The following VPS41 variants were observed in gnomAD, a reference collection of about 807,000 sequenced individuals.
The protein encoded by VPS41 is vacuolar protein sorting-associated protein 41 homolog.
Under a neutral mutation model 130.9 loss-of-function variants are expected in VPS41, and 85 were observed. That is an observed-to-expected ratio of 0.65 (90% confidence interval 0.55 to 0.78). The LOEUF (loss-of-function observed/expected upper bound fraction) is 0.78, where lower values mean the gene tolerates loss of function less well. Ranked by LOEUF, VPS41 falls within the 30% of genes least tolerant of loss-of-function variation. VPS41 has a pLI of 0.00. For missense variants in VPS41, 874 were observed against 1,018.7 expected, an observed-to-expected ratio of 0.86 and a Z score of 1.93; for synonymous variants, 335 against 332.9, an observed-to-expected ratio of 1.01 and a Z score of -0.07.
chr7:38,896,685 A>T (rs6966738), intron 2 of VPS41, among the ~76,000 whole-genome samples: 1 of 152,118 alleles, frequency 6.6e-6, no homozygotes, highest in Non-Finnish European at 1.5e-5. Flanking sequence ...AGAAATATGC[A>T]TAAGTCCAAC....
intron 7 of VPS41, 126 bp from the exon 8 acceptor site, chr7:38,796,990 T>A: frequency 9.6e-7 from 1 of 1,039,398 alleles, no homozygotes; most frequent in Non-Finnish European, 1.4e-6. Context: ...GTCTTTAATG[T>A]AGACTTACAG....
intron 3 of VPS41, 23 bp downstream of exon 3, chr7:38,869,123 A>T (rs1229230177): frequency 6.7e-7 from 1 of 1,493,806 alleles, no homozygotes; most frequent in Non-Finnish European, 9.1e-7. Context: ...TTACAGAAGA[A>T]TCCTCTGAAA....
Position 38,789,770 on chromosome 7 carries a change from C to A in VPS41, c.784+31G>T, listed in dbSNP as rs771452866. ...GACGAAAATTTTGAATGAAGTTTTA[C>A]ATCCACAGAAGGCAAGTGTTGGAGC... On this transcript the variant is annotated intron_variant, in intron 10 of 28. Coordinates refer to ENST00000310301, the MANE Select transcript of VPS41 (RefSeq NM_014396.4). 6 of 1,610,996 alleles carry A rather than the reference C, an allele frequency of 3.7e-6. No individual in the cohort carries two copies. The African/African-American group carries it at 8.0e-5, about 22-fold the overall frequency.
chr7:38,889,509 T>C (rs1443478712), intron 2 of VPS41, among the ~76,000 whole-genome samples: 6 of 149,726 alleles, frequency 4.0e-5, no homozygotes, highest in South Asian at 2.1e-4. Flanking sequence ...AAGAAAAGAA[T>C]TGCCAACCAC....
chr7:38,901,810 T>C (rs1016094494), intron 1 of VPS41, among the ~76,000 whole-genome samples: 1 of 152,096 alleles, frequency 6.6e-6, no homozygotes, highest in African/African-American at 2.4e-5. Flanking sequence ...GGCAAGAGGA[T>C]TGCTTAAGGC....
In VPS41 at chr7:38,752,192, T is replaced by C. The variant is rs531698597; in HGVS notation, c.1910A>G (p.His637Arg). 15 of 1,613,876 alleles carry C rather than the reference T, an allele frequency of 9.3e-6. No homozygotes were observed. In the South Asian group the frequency reaches 1.5e-4, roughly 17 times the overall value. ...GTGCCTTACCTTTTCAAGTGGGCAA[T>C]GGGTACTGTCTCGGAGAAAGGGAAG... The part of the protein sequence containing the change: ...NLLPFLRDST[H>R]CPLEKALEIC... Residue 637 changes from histidine (H) to arginine (R), a missense_variant, in exon 22 of 29, where the codon CAT (histidine) becomes CGT (arginine). His to Arg is a conservative substitution (Grantham distance 29). Transcript: ENST00000310301.
chr7:38,792,826 AC>A (rs1425879278), intron 9 of VPS41, among the ~76,000 whole-genome samples: 4 of 150,946 alleles, frequency 2.6e-5, no homozygotes, highest in Non-Finnish European at 5.9e-5. Context: ...ACCCTCCCCG[AC>A]CCCCACTTAC....
Position 38,796,765 on chromosome 7 carries a change from T to A in VPS41, c.550A>T (p.Ile184Phe). Residue 184 changes from isoleucine to phenylalanine, a missense_variant, in exon 8 of 29, where the codon ATT becomes TTT. Ile to Phe is a conservative substitution (Grantham distance 21). Transcript: ENST00000310301. Reference sequence around the variant, plus strand: ...TTTACCATATTATTGGCCCAAGCAATCAGATGGCCTCTCCACTTCACACTC... The same window carrying A: ...TTTACCATATTATTGGCCCAAGCAAACAGATGGCCTCTCCACTTCACACTC... ...IRSVKWRGHL[I>F]AWANNMGVKI... 6.2e-7 allele frequency: 1 copy of A among 1,613,794 alleles called. No individual in the cohort carries two copies. Among genetic ancestry groups the A allele is most frequent in the Non-Finnish European group, 8.5e-7 (1 of 1,179,792 alleles).
At chr7:38,873,660 T>TTTACCC (rs1786423636) in intron 2 of VPS41, among the ~76,000 whole-genome samples, 1 of 152,158 alleles carries the variant, frequency 6.6e-6, no homozygotes, top group Admixed American at 6.5e-5. Flanking sequence ...TAAGCGAAGA[T>TTTACCC]ATGAACAGAG....
intron 22 of VPS41, among the ~76,000 whole-genome samples, chr7:38,750,341 A>C (rs1783643155): frequency 6.6e-6 from 1 of 152,198 alleles, no homozygotes; most frequent in Admixed American, 6.5e-5. Flanking sequence ...AAGAAGTCTC[A>C]GTAACCTGAA....
In VPS41 at chr7:38,793,828, C is replaced by T. The variant is rs1784575391; in HGVS notation, c.717+1637G>A. On this transcript the variant is annotated intron_variant, in intron 9 of 28. Transcript: ENST00000310301. ...GGTACTGCCTTCTCCTCCTCTCTTC[C>T]ATGTTAGCATCTCCCTCTGCCTCCC... Among the ~76,000 whole-genome samples, 7 of 152,252 alleles carry T rather than the reference C, an allele frequency of 4.6e-5. No individual in the cohort carries two copies. The South Asian group carries it at 1.5e-3, about 32-fold the overall frequency.
intron 3 of VPS41, among the ~76,000 whole-genome samples, chr7:38,865,580 C>A (rs1228944821): frequency 2.0e-5 from 3 of 151,752 alleles, no homozygotes; most frequent in Admixed American, 2.0e-4. Flanking sequence ...TCTCTAAGAC[C>A]CTATGGAACA....
At chr7:38,872,078 G>C (rs1786377351) in intron 2 of VPS41, among the ~76,000 whole-genome samples, 1 of 152,186 alleles carries the variant, frequency 6.6e-6, no homozygotes, top group South Asian at 2.1e-4. Flanking sequence ...CGGCGTTGCA[G>C]ACAAGATGTC....
At chr7:38,772,037 G>C (rs906269662) in intron 13 of VPS41, among the ~76,000 whole-genome samples, 1 of 151,688 alleles carries the variant, frequency 6.6e-6, no homozygotes, top group African/African-American at 2.4e-5. Context: ...GTTGAAAAAT[G>C]GTTTTTTTCT....
chr7:38,754,015 G>A (rs1339012068), intron 21 of VPS41, among the ~76,000 whole-genome samples: 1 of 152,152 alleles, frequency 6.6e-6, no homozygotes, highest in Non-Finnish European at 1.5e-5. Flanking sequence ...GTTTTCTCTT[G>A]TATAACTTTT....
chr7:38,888,590 C>T (rs189755998), intron 2 of VPS41, among the ~76,000 whole-genome samples: 1 of 152,264 alleles, frequency 6.6e-6, no homozygotes, highest in Admixed American at 6.5e-5. Context: ...GACTTTAACA[C>T]CCCACTGTTA....
chr7:38,800,517 A>G (rs1331764552), intron 7 of VPS41, among the ~76,000 whole-genome samples: 1 of 152,192 alleles, frequency 6.6e-6, no homozygotes, highest in African/African-American at 2.4e-5. Context: ...AATAGTTAAA[A>G]TGAAACAACA....
At chr7:38,801,460 G>A (rs1275373076) in intron 7 of VPS41, among the ~76,000 whole-genome samples, 1 of 152,030 alleles carries the variant, frequency 6.6e-6, no homozygotes, top group Non-Finnish European at 1.5e-5. Context: ...TTTATATTTT[G>A]TGGATGAAAA....
chr7:38,862,736 C>A, intron 3 of VPS41, 114 bp from the exon 4 acceptor site: 1 of 634,764 alleles, frequency 1.6e-6, no homozygotes, highest in South Asian at 2.1e-5. Context: ...TCTGCAATGT[C>A]TCAAAAGATA....
Sources: gnomAD v4.1 joint callset for allele counts (sites outside exome capture counted in the v4.1 genomes callset) on GRCh38, gnomAD v4.1.1 for gene constraint, MANE v1.5 for transcripts, NCBI Gene and HGNC (gene_info 2026-07-23, HGNC 2026-07-21) for gene names.